Variants in FHIT observed in about 807,000 individuals in gnomAD.
FHIT encodes the protein fragile histidine triad diadenosine triphosphatase.
In FHIT, 19 loss-of-function variants were observed where a neutral mutation model predicts 17.9. The ratio of observed to expected loss-of-function variants is 1.06; its 90% CI spans 0.74 to 1.56. FHIT has a LOEUF of 1.56. Ranked by LOEUF, FHIT falls within the 40% of genes most tolerant of loss-of-function variation. FHIT has a pLI of 0.00. For missense variants in FHIT, 248 were observed against 189.2 expected (o/e 1.31, Z -1.82); for synonymous variants, 81 against 69.7 (o/e 1.16, Z -0.81).
At chr3:60,779,064 G>A (rs888325895) in intron 4 of FHIT, among the ~76,000 whole-genome samples, 2 of 152,152 alleles carry the variant, frequency 1.3e-5, no homozygotes, top group African/African-American at 2.4e-5. Flanking sequence ...GATTCCTTGT[G>A]GAAAACATTT....
chr3:59,962,162 T>A (rs530402144), intron 7 of FHIT, among the ~76,000 whole-genome samples: 8 of 152,360 alleles, frequency 5.3e-5, no homozygotes, highest in Non-Finnish European at 1.0e-4. Flanking sequence ...AAAGGAACTA[T>A]GTCTTTAACG....
intron 5 of FHIT, among the ~76,000 whole-genome samples, chr3:60,360,109 T>C (rs911340015): frequency 6.6e-6 from 1 of 151,944 alleles, no homozygotes; most frequent in Non-Finnish European, 1.5e-5. Context: ...TTCTATTATA[T>C]TCAAATACTA....
At chr3:60,740,166 C>T (rs1409876780) in intron 4 of FHIT, among the ~76,000 whole-genome samples, 1 of 152,148 alleles carries the variant, frequency 6.6e-6, no homozygotes, top group Non-Finnish European at 1.5e-5. Flanking sequence ...TAGATGTTTG[C>T]TGCAGTTGTT....
chr3:60,381,732 ACT>A (rs1452654204), intron 5 of FHIT, among the ~76,000 whole-genome samples: 1 of 151,794 alleles, frequency 6.6e-6, no homozygotes, highest in Non-Finnish European at 1.5e-5. Context: ...TACAATCATT[ACT>A]CTTTCTTTCC....
intron 5 of FHIT, among the ~76,000 whole-genome samples, chr3:60,452,060 C>A (rs563968829): frequency 1.3e-5 from 2 of 152,056 alleles, no homozygotes; most frequent in Non-Finnish European, 2.9e-5. Flanking sequence ...ATAAACATAC[C>A]ACACTTTATT....
At chr3:60,273,788 G>C (rs1706984021) in intron 5 of FHIT, among the ~76,000 whole-genome samples, 1 of 152,008 alleles carries the variant, frequency 6.6e-6, no homozygotes, top group Non-Finnish European at 1.5e-5. Context: ...TATTTCTATT[G>C]GCAAGTATGT....
At chr3:60,415,162 T>A (rs987234991) in intron 5 of FHIT, among the ~76,000 whole-genome samples, 1 of 152,184 alleles carries the variant, frequency 6.6e-6, no homozygotes, top group African/African-American at 2.4e-5. Flanking sequence ...AAAACCCAGA[T>A]GGATAATCTC....
chr3:60,911,413 T>A (rs1553765850), intron 3 of FHIT, among the ~76,000 whole-genome samples: 2 of 150,136 alleles, frequency 1.3e-5, no homozygotes, highest in African/African-American at 4.9e-5. Context: ...CCACCACCAC[T>A]ACCACCACCA....
At chr3:59,856,959 C>G (rs561044745) in intron 8 of FHIT, among the ~76,000 whole-genome samples, 20 of 151,910 alleles carry the variant, frequency 1.3e-4, no homozygotes, top group African/African-American at 4.8e-4. Flanking sequence ...GAAACTGAGT[C>G]AAGTGGAATT....
intron 5 of FHIT, among the ~76,000 whole-genome samples, chr3:60,457,273 G>C (rs1386869110): frequency 6.6e-6 from 1 of 151,876 alleles, no homozygotes; most frequent in Non-Finnish European, 1.5e-5. Flanking sequence ...CAGAAATAAT[G>C]TCACATATCT....
At chr3:61,248,327 T>A (rs1006858835) in intron 1 of FHIT, among the ~76,000 whole-genome samples, 4 of 151,590 alleles carry the variant, frequency 2.6e-5, no homozygotes, top group Non-Finnish European at 1.5e-5. Context: ...GGCATGGGGG[T>A]GATGAGGAGA....
chr3:60,557,115 T>C (rs139278214), intron 4 of FHIT, among the ~76,000 whole-genome samples: 2,230 of 152,366 alleles, frequency 0.015, 29 homozygotes, highest in Non-Finnish European at 0.023. Flanking sequence ...AAATGCTTTA[T>C]GTAAATATCT....
At chr3:60,698,904 G>C (rs1316458985) in intron 4 of FHIT, among the ~76,000 whole-genome samples, 1 of 152,094 alleles carries the variant, frequency 6.6e-6, no homozygotes, top group Non-Finnish European at 1.5e-5. Flanking sequence ...ACATCACCCA[G>C]AGAAACTGAC....
At chr3:59,951,676 A>C (rs890374079) in intron 7 of FHIT, among the ~76,000 whole-genome samples, 4 of 151,832 alleles carry the variant, frequency 2.6e-5, no homozygotes, top group Non-Finnish European at 5.9e-5. Context: ...CTAAGTTCCA[A>C]ATAGAACTTT....
intron 5 of FHIT, among the ~76,000 whole-genome samples, chr3:60,174,064 C>T (rs1701557675): frequency 1.3e-5 from 2 of 150,652 alleles, no homozygotes; most frequent in African/African-American, 2.4e-5. Flanking sequence ...CAGGCATCTG[C>T]CACCACGCCC....
chr3:59,777,677 C>T (rs565238261), intron 8 of FHIT, among the ~76,000 whole-genome samples: 51 of 152,296 alleles, frequency 3.3e-4, no homozygotes, highest in East Asian at 1.5e-3. Flanking sequence ...CAGATCATGT[C>T]ATTCCCTTGC....
chr3:60,283,894 C>A (rs899525421), intron 5 of FHIT, among the ~76,000 whole-genome samples: 1 of 152,032 alleles, frequency 6.6e-6, no homozygotes, highest in Non-Finnish European at 1.5e-5. Context: ...TGCAGAAAGA[C>A]AATGTATTCT....
At chr3:60,500,994 T>C (rs2034503167) in intron 5 of FHIT, among the ~76,000 whole-genome samples, 1 of 152,064 alleles carries the variant, frequency 6.6e-6, no homozygotes, top group Non-Finnish European at 1.5e-5. Flanking sequence ...ATAAAAGTAA[T>C]GGCAAAAACC....
At chr3:60,721,820 T>G (rs1287618815) in intron 4 of FHIT, among the ~76,000 whole-genome samples, 16 of 152,156 alleles carry the variant, frequency 1.1e-4, no homozygotes, top group African/African-American at 3.6e-4. Context: ...ATTATTATTA[T>G]TATTTCAAGC....
Sources: gnomAD v4.1 joint callset for allele counts (sites outside exome capture counted in the v4.1 genomes callset) on GRCh38, gnomAD v4.1.1 for gene constraint, MANE v1.5 for transcripts, NCBI Gene and HGNC (gene_info 2026-07-23, HGNC 2026-07-21) for gene names.